ARHGAP6: variants seen among roughly 807,000 people sequenced by gnomAD.
ARHGAP6 encodes Rho GTPase activating protein 6.
In ARHGAP6, 16 loss-of-function variants were observed where a neutral mutation model predicts 55.7. That is an observed-to-expected ratio of 0.29 (90% confidence interval 0.19 to 0.44). The LOEUF is 0.44. Ranked by LOEUF, ARHGAP6 falls within the 20% of genes least tolerant of loss-of-function variation. The pLI, the probability that ARHGAP6 is intolerant of heterozygous loss-of-function variation, is 1.00. For missense variants in ARHGAP6, 698 were observed against 808.9 expected, an observed-to-expected ratio of 0.86 and a Z score of 1.66; for synonymous variants, 382 against 360.9, an observed-to-expected ratio of 1.06 and a Z score of -0.66.
chrX:11,459,664 T>C (rs1293684097), intron 1 of ARHGAP6, among the ~76,000 whole-genome samples: 2 of 112,022 alleles, frequency 1.8e-5, no homozygotes, highest in East Asian at 5.6e-4. Context: ...TAAAATGAAC[T>C]TTGAAAAGGG....
At chrX:11,475,560 T>TACACAC (rs199969639) in intron 1 of ARHGAP6, among the ~76,000 whole-genome samples, 9 of 95,906 alleles carry the variant, frequency 9.4e-5, no homozygotes, top group Admixed American at 1.2e-4. Flanking sequence ...TTAAAGAAAC[T>TACACAC]ACACACACAC....
chrX:11,254,816 G>T, intron 1 of ARHGAP6, 109 bp from the exon 2 acceptor site: 1 of 956,066 alleles, frequency 1.0e-6, no homozygotes, highest in Non-Finnish European at 1.4e-6. Flanking sequence ...CCACCTTTGT[G>T]TTCCAAAATT....
chrX:11,345,855 C>A lies in ARHGAP6; in HGVS notation c.589-91148G>T, dbSNP rs144643851. On this transcript the variant is annotated intron_variant, in intron 1 of 12. Coordinates refer to ENST00000337414, the MANE Select transcript of ARHGAP6 (RefSeq NM_013427.3). ...TTATCAATATCTGCTTCTACTCTCC[C>A]TAATGAGTTGCAAAAGTGTGTAACC... Among the ~76,000 whole-genome samples the A allele has an allele frequency of 7.4e-4, 83 of 111,956 alleles. 1 individual carries two copies. The East Asian group carries it at 0.023, about 31-fold the overall frequency.
intron 1 of ARHGAP6, among the ~76,000 whole-genome samples, chrX:11,376,908 T>C (rs750963811): frequency 1.1e-4 from 12 of 111,630 alleles, no homozygotes; most frequent in Non-Finnish European, 2.1e-4. Context: ...AATGTTACAA[T>C]TAAGGACAGA....
intron 1 of ARHGAP6, among the ~76,000 whole-genome samples, chrX:11,408,453 A>G (rs919443216): frequency 2.7e-5 from 3 of 111,695 alleles, no homozygotes; most frequent in Non-Finnish European, 3.8e-5. Flanking sequence ...CCTTCCATGT[A>G]CACAGTTTCC....
intron 2 of ARHGAP6, among the ~76,000 whole-genome samples, chrX:11,240,241 G>A (rs1294727902): frequency 8.9e-6 from 1 of 112,382 alleles, no homozygotes. Context: ...GCCACCCCGA[G>A]TGGAATGAAT....
chrX:11,647,441 C>T (rs1044645084), intron 1 of ARHGAP6, among the ~76,000 whole-genome samples: 5 of 111,922 alleles, frequency 4.5e-5, no homozygotes, highest in African/African-American at 6.5e-5. Flanking sequence ...GTTGATGCCC[C>T]GAGGCGGCAA....
intron 1 of ARHGAP6, among the ~76,000 whole-genome samples, chrX:11,464,732 A>C (rs1356398859): frequency 8.9e-6 from 1 of 112,604 alleles, no homozygotes; most frequent in Non-Finnish European, 1.9e-5. Context: ...TTCCTTAACT[A>C]TAATGAGCTT....
intron 1 of ARHGAP6, among the ~76,000 whole-genome samples, chrX:11,359,787 G>T (rs1392473416): frequency 9.0e-6 from 1 of 111,596 alleles, no homozygotes; most frequent in Non-Finnish European, 1.9e-5. Context: ...AAAGAGAGAA[G>T]AATCAAATAG....
At chrX:11,296,883 C>G in intron 1 of ARHGAP6, 4 of 1,150,658 alleles carry the variant, frequency 3.5e-6, no homozygotes, top group Non-Finnish European at 4.8e-6. Context: ...GCCCTGGGCT[C>G]TGTAAAGAAT....
chrX:11,223,845 T>C (rs1445331568), intron 2 of ARHGAP6, among the ~76,000 whole-genome samples: 3 of 110,771 alleles, frequency 2.7e-5, no homozygotes, highest in African/African-American at 9.9e-5. Context: ...TTAGAGAAAA[T>C]TATTGTTTCT....
chrX:11,144,093 G>A lies in ARHGAP6; in HGVS notation c.2063C>T (p.Ala688Val), dbSNP rs1437406072. 5 of 1,209,092 alleles carry A rather than the reference G, an allele frequency of 4.1e-6. No homozygotes were observed. The highest frequency in any genetic ancestry group is 2.2e-5 in the Admixed American group (1 of 45,708). The change falls in exon 11 of 13, where the codon GCG becomes GTG. Residue 688 changes from alanine (A) to valine (V), a missense_variant. Coordinates refer to ENST00000337414, the MANE Select transcript of ARHGAP6 (RefSeq NM_013427.3). ...AAGCTTCTCCGAGCCCCCCGGGGCCGCGTCCTCTTGCATAGCCAGCAGGGA... is the reference window on the plus strand; with the variant it reads ...AAGCTTCTCCGAGCCCCCCGGGGCCACGTCCTCTTGCATAGCCAGCAGGGA... ...ERSLLAMQED[A>V]APGGSEKLYR...
chrX:11,270,479 T>C (rs756888163), intron 1 of ARHGAP6, among the ~76,000 whole-genome samples: 103 of 111,471 alleles, frequency 9.2e-4, no homozygotes, highest in African/African-American at 3.2e-3. Flanking sequence ...CCTCCAGGAA[T>C]AAGGAGAGGG....
intron 1 of ARHGAP6, among the ~76,000 whole-genome samples, chrX:11,322,899 G>A (rs1322225487): frequency 8.9e-6 from 1 of 112,436 alleles, no homozygotes; most frequent in Non-Finnish European, 1.9e-5. Flanking sequence ...AACCCAAAAT[G>A]TTATCACTGC....
intron 1 of ARHGAP6, among the ~76,000 whole-genome samples, chrX:11,477,080 G>C (rs1053205214): frequency 3.7e-5 from 4 of 109,373 alleles, no homozygotes; most frequent in African/African-American, 1.3e-4. Context: ...TATCAGACAA[G>C]TGACTTGTTT....
At chrX:11,657,273 C>A (rs921366906) in intron 1 of ARHGAP6, among the ~76,000 whole-genome samples, 9 of 97,572 alleles carry the variant, frequency 9.2e-5, no homozygotes, top group African/African-American at 3.9e-4. Context: ...GCAGGGTGAC[C>A]AAGAAGGGGG....
At chrX:11,603,056 T>C (rs921992483) in intron 1 of ARHGAP6, among the ~76,000 whole-genome samples, 3 of 112,171 alleles carry the variant, frequency 2.7e-5, no homozygotes, top group African/African-American at 9.7e-5. Context: ...CAGCATGGCA[T>C]TGATTGAGGC....
chrX:11,547,040 T>G (rs915736437), intron 1 of ARHGAP6, among the ~76,000 whole-genome samples: 1 of 112,499 alleles, frequency 8.9e-6, no homozygotes, highest in Non-Finnish European at 1.9e-5. Context: ...TGGAATCATT[T>G]GGGCAGCAGA....
rs183907826 is a variant in ARHGAP6 at position 11,218,980 on chromosome X, G to A, written c.749-21984C>T. On this transcript the variant is annotated intron_variant, in intron 2 of 12. Transcript: ENST00000337414. ...TATACATGTGCCATGCTGGTGCGCT[G>A]CACCCACTAACTCGTCGTCTAGCAT... 1.1e-3 allele frequency among the ~76,000 whole-genome samples: 114 copies of A among 106,609 alleles called. No homozygotes were observed. The Middle Eastern group carries it at 0.014, about 13-fold the overall frequency. The allele number at this position is 106,609 out of a possible 115,157, so 92.6% of individuals were successfully genotyped here.
Sources: allele counts gnomAD v4.1 joint callset (sites outside exome capture counted in the v4.1 genomes callset), GRCh38; gene constraint gnomAD v4.1.1; transcripts MANE v1.5; gene names NCBI Gene and HGNC (gene_info 2026-07-23, HGNC 2026-07-21).